COG5: variants seen among roughly 807,000 people sequenced by gnomAD.
COG5 encodes component of oligomeric golgi complex 5.
Under a neutral mutation model 110.4 loss-of-function variants are expected in COG5, and 86 were observed. The ratio of observed to expected loss-of-function variants is 0.78; its 90% CI spans 0.65 to 0.93. The LOEUF (loss-of-function observed/expected upper bound fraction) is 0.93, where lower values mean the gene tolerates loss of function less well. Ranked by LOEUF, COG5 falls within the 40% of genes least tolerant of loss-of-function variation. The probability of loss-of-function intolerance (pLI) is 0.00; values close to 1 mark genes in which losing one functional copy is unlikely to be tolerated. For missense variants in COG5, 1,077 were observed against 987.0 expected (o/e 1.09, Z -1.22); for synonymous variants, 360 against 334.6 (o/e 1.08, Z -0.83).
intron 16 of COG5, among the ~76,000 whole-genome samples, chr7:107,251,017 T>C (rs375096559): frequency 1.3e-5 from 2 of 151,574 alleles, no homozygotes; most frequent in Non-Finnish European, 2.9e-5. Context: ...AAAGCATGAA[T>C]TTACAGATTC....
chr7:107,232,389 C>T (rs1800839554), intron 18 of COG5, among the ~76,000 whole-genome samples: 1 of 152,146 alleles, frequency 6.6e-6, no homozygotes, highest in African/African-American at 2.4e-5. Flanking sequence ...TGATATAATT[C>T]CATTCAAATA....
rs115189975 is a variant in COG5 at position 107,417,203 on chromosome 7, A to G, written c.539-4571T>C. Among the ~76,000 whole-genome samples, 132 of 152,324 alleles carry G rather than the reference A, an allele frequency of 8.7e-4. 1 individual carries two copies. The highest frequency in any genetic ancestry group is 2.9e-3 in the African/African-American group (121 of 41,584). On this transcript the variant is annotated intron_variant, in intron 6 of 21. Coordinates refer to ENST00000297135, the MANE Select transcript of COG5 (RefSeq NM_006348.5). Reference sequence around the variant, plus strand: ...GCACCATACAAATATATGTCTCAGAAGCAACCTTCAGATGTTTCTAAAATA... The same window carrying G: ...GCACCATACAAATATATGTCTCAGAGGCAACCTTCAGATGTTTCTAAAATA...
intron 6 of COG5, among the ~76,000 whole-genome samples, chr7:107,478,380 C>T (rs1797115261): frequency 6.6e-6 from 1 of 151,838 alleles, no homozygotes; most frequent in South Asian, 2.1e-4. Context: ...TTCTTTCATC[C>T]TTTAACTAAA....
intron 6 of COG5, among the ~76,000 whole-genome samples, chr7:107,442,419 T>A (rs1364418005): frequency 6.6e-6 from 1 of 152,140 alleles, no homozygotes; most frequent in African/African-American, 2.4e-5. Context: ...AACAGACTAA[T>A]ACATCTGGCC....
At chr7:107,269,344 G>T (rs547807666) in intron 14 of COG5, among the ~76,000 whole-genome samples, 3 of 151,834 alleles carry the variant, frequency 2.0e-5, no homozygotes, top group African/African-American at 7.3e-5. Flanking sequence ...GTGTGGTGGC[G>T]GACGCCTGTA....
chr7:107,438,429 GTTCT>G (rs1231083891), intron 6 of COG5, among the ~76,000 whole-genome samples: 4 of 152,142 alleles, frequency 2.6e-5, no homozygotes, highest in Non-Finnish European at 4.4e-5. Context: ...AAAATGTATT[GTTCT>G]TTGTCAAAAC....
rs538738026 is a variant in COG5, at chr7:107,478,473, G to T, written c.538+48764C>A. 2.6e-5 allele frequency among the ~76,000 whole-genome samples: 4 copies of T among 151,786 alleles called. No homozygotes were observed. In the East Asian group the frequency reaches 5.8e-4, roughly 22 times the overall value. On this transcript the variant is annotated intron_variant, in intron 6 of 21. Coordinates refer to ENST00000297135, the MANE Select transcript of COG5 (RefSeq NM_006348.5). ...GTCAGTTAGCATGGTCAACTCTGTGGTCCAAAAATATTAAATGGAAAATTC... is the reference window on the plus strand; with the variant it reads ...GTCAGTTAGCATGGTCAACTCTGTGTTCCAAAAATATTAAATGGAAAATTC...
intron 18 of COG5, among the ~76,000 whole-genome samples, chr7:107,231,125 C>A (rs1451649250): frequency 6.6e-6 from 1 of 152,090 alleles, no homozygotes. Flanking sequence ...AGTAGCACAT[C>A]TATATCAGCA....
chr7:107,234,079 C>T (rs902626360), intron 18 of COG5, among the ~76,000 whole-genome samples: 3 of 152,184 alleles, frequency 2.0e-5, no homozygotes, highest in African/African-American at 4.8e-5. Flanking sequence ...CCATGATCCA[C>T]AGGACTGGAG....
At chr7:107,254,113 A>T (rs1802713355) in intron 16 of COG5, among the ~76,000 whole-genome samples, 1 of 152,186 alleles carries the variant, frequency 6.6e-6, no homozygotes, top group Non-Finnish European at 1.5e-5. Flanking sequence ...GAAAAAAAAG[A>T]ATACGTAATG....
intron 6 of COG5, among the ~76,000 whole-genome samples, chr7:107,483,395 G>A (rs937773322): frequency 6.6e-6 from 1 of 152,086 alleles, no homozygotes; most frequent in East Asian, 1.9e-4. Flanking sequence ...TCAGCTGCTA[G>A]TGAATACAAC....
In COG5 at chr7:107,203,430, A is replaced by G. The variant is rs1416284702; in HGVS notation, c.*86T>C. On this transcript the variant is annotated 3_prime_UTR_variant, in exon 22 of 22. Coordinates refer to ENST00000297135, the MANE Select transcript of COG5 (RefSeq NM_006348.5). ...ATCAATTACATTCTTAAAATAGTAG[A>G]TAGTAGCAGTCTTTTGGAGTATGTG... The G allele has an allele frequency of 8.2e-6, 7 of 857,568 alleles. No homozygotes were observed. In the East Asian group the frequency reaches 1.5e-4, roughly 18 times the overall value. 53.1% of individuals were successfully genotyped at this position (857,568 alleles called of 1,614,324 possible). A position where few individuals can be genotyped will look rare whatever the true frequency, so the allele number is the denominator to read the frequency against.
At chr7:107,411,838 T>C (rs909204172) in intron 7 of COG5, among the ~76,000 whole-genome samples, 2 of 152,108 alleles carry the variant, frequency 1.3e-5, no homozygotes, top group Non-Finnish European at 1.5e-5. Context: ...AATAATTATA[T>C]TGGAGCCCAA....
intron 11 of COG5, among the ~76,000 whole-genome samples, chr7:107,315,524 G>A (rs1034034744): frequency 6.6e-6 from 1 of 151,586 alleles, no homozygotes. Context: ...CCAAAAAGAA[G>A]TAAATTTATT....
At position 107,415,798 on chromosome 7, in the gene COG5, A is replaced by G. The variant is rs367946132; in HGVS notation, c.539-3166T>C. 1.5e-3 allele frequency among the ~76,000 whole-genome samples: 152 copies of G among 102,080 alleles called. 8 individuals are homozygous for G. In the South Asian group the frequency reaches 0.022, roughly 15 times the overall value. The allele number at this position is 102,080 out of a possible 152,430, so 67.0% of individuals were successfully genotyped here. A position where few individuals can be genotyped will look rare whatever the true frequency, so the allele number is the denominator to read the frequency against. ...TACACACACATACACGTATGTATGT[A>G]TGTGTGTATATATACACACATACAC... On this transcript the variant is annotated intron_variant, in intron 6 of 21. Coordinates refer to ENST00000297135, the MANE Select transcript of COG5 (RefSeq NM_006348.5).
chr7:107,280,578 C>A (rs1805085457), intron 14 of COG5, among the ~76,000 whole-genome samples: 1 of 151,776 alleles, frequency 6.6e-6, no homozygotes, highest in Non-Finnish European at 1.5e-5. Context: ...CAGATTTTGA[C>A]ACACTGTCTA....
At chr7:107,524,008 A>G (rs1228383930) in intron 6 of COG5, among the ~76,000 whole-genome samples, 1 of 152,212 alleles carries the variant, frequency 6.6e-6, no homozygotes, top group Non-Finnish European at 1.5e-5. Flanking sequence ...CTTAATTTAT[A>G]ATATTAAAAA....
intron 12 of COG5, among the ~76,000 whole-genome samples, chr7:107,294,181 CA>C (rs1358403636): frequency 6.6e-6 from 1 of 152,130 alleles, no homozygotes; most frequent in East Asian, 1.9e-4. Context: ...TTCAATTCAC[CA>C]GTTTCAAAAG....
At chr7:107,386,524 G>T (rs1302796542) in intron 7 of COG5, among the ~76,000 whole-genome samples, 1 of 152,174 alleles carries the variant, frequency 6.6e-6, no homozygotes. Flanking sequence ...TGAGTAATCA[G>T]TAAGTCATTG....
Sources: gnomAD v4.1 joint callset for allele counts (sites outside exome capture counted in the v4.1 genomes callset) on GRCh38, gnomAD v4.1.1 for gene constraint, MANE v1.5 for transcripts, NCBI Gene and HGNC (gene_info 2026-07-23, HGNC 2026-07-21) for gene names.